The following ZSCAN30 variants were observed in gnomAD, a reference collection of about 807,000 sequenced individuals.
The protein encoded by ZSCAN30 is zinc finger and SCAN domain-containing protein 30.
Under a neutral mutation model 44.3 loss-of-function variants are expected in ZSCAN30, and 37 were observed. The observed-to-expected ratio is 0.84, with a 90% confidence interval of 0.64 to 1.10. The LOEUF (loss-of-function observed/expected upper bound fraction) is 1.10. Ranked by LOEUF, ZSCAN30 falls within the 50% of genes least tolerant of loss-of-function variation. ZSCAN30 has a pLI of 0.00. For missense variants in ZSCAN30, 549 were observed against 582.6 expected, an observed-to-expected ratio of 0.94 and a Z score of 0.59; for synonymous variants, 181 against 204.6, an observed-to-expected ratio of 0.88 and a Z score of 0.98.
intron 1 of ZSCAN30, among the ~76,000 whole-genome samples, chr18:35,280,347 C>CAG (rs2044435359): frequency 2.0e-5 from 3 of 148,282 alleles, no homozygotes; most frequent in East Asian, 2.0e-4. Context: ...GAGAGAGAGG[C>CAG]AGAGAGAGAG....
chr18:35,266,497 C>T (rs2044152714), intron 1 of ZSCAN30, among the ~76,000 whole-genome samples: 2 of 152,028 alleles, frequency 1.3e-5, no homozygotes, highest in Non-Finnish European at 2.9e-5. Flanking sequence ...GTGGTTGGCC[C>T]TTGTGACTAG....
chr18:35,271,187 T>TG (rs925635288), intron 1 of ZSCAN30, among the ~76,000 whole-genome samples: 1 of 152,202 alleles, frequency 6.6e-6, no homozygotes, highest in Admixed American at 6.5e-5. Context: ...TGCTGCTTGC[T>TG]GGGGCAGCCG....
chr18:35,270,261 T>TATCC (rs58226511), intron 1 of ZSCAN30: 1 of 151,644 alleles, frequency 6.6e-6, no homozygotes. Flanking sequence ...CTGTACTATC[T>TATCC]TTGCAATAAT....
chr18:35,279,835 T>C (rs1270883503), intron 1 of ZSCAN30, among the ~76,000 whole-genome samples: 3 of 152,164 alleles, frequency 2.0e-5, no homozygotes, highest in African/African-American at 4.8e-5. Flanking sequence ...TATATGAATT[T>C]TGGGGGGACA....
At chr18:35,287,512 CA>C (rs1205123535) in intron 1 of ZSCAN30, among the ~76,000 whole-genome samples, 16 of 112,096 alleles carry the variant, frequency 1.4e-4, no homozygotes, top group African/African-American at 5.5e-4. Flanking sequence ...ACTGATTTTA[CA>C]AAGCTTAAAG....
In ZSCAN30 at chr18:35,263,660, A is replaced by G. The variant is rs2044082733; in HGVS notation, c.409-3T>C. On this transcript the variant is annotated splice_region_variant and splice_polypyrimidine_tract_variant and intron_variant, in intron 2 of 3. Coordinates refer to ENST00000333206, the MANE Select transcript of ZSCAN30 (RefSeq NM_001112734.4). ...ATTTCTTGGCCATGAGTTGTGTCCT[A>G]GGAGTAATCAAGTACCAGCACTATC... is the stretch of plus-strand genomic sequence containing the variant. The G allele has an allele frequency of 6.2e-7, 1 of 1,614,132 alleles. No homozygotes were observed. The highest frequency in any genetic ancestry group is 8.5e-7 in the Non-Finnish European group (1 of 1,180,000).
At chr18:35,274,343 AC>A (rs1423389622) in intron 1 of ZSCAN30, among the ~76,000 whole-genome samples, 1 of 151,850 alleles carries the variant, frequency 6.6e-6, no homozygotes, top group Non-Finnish European at 1.5e-5. Flanking sequence ...GGCCGAAGGT[AC>A]TCCTCTTCTA....
intron 1 of ZSCAN30, among the ~76,000 whole-genome samples, chr18:35,265,061 G>T (rs2044118180): frequency 6.6e-6 from 1 of 151,946 alleles, no homozygotes; most frequent in Non-Finnish European, 1.5e-5. Flanking sequence ...CAGGAGAATG[G>T]CATGAACCCG....
chr18:35,279,542 G>GC (rs1193544723), intron 1 of ZSCAN30, among the ~76,000 whole-genome samples: 1 of 152,220 alleles, frequency 6.6e-6, no homozygotes, highest in African/African-American at 2.4e-5. Context: ...AAATAGCATA[G>GC]CCTGGGTAGC....
In ZSCAN30 at chr18:35,264,086, C is replaced by T. The variant is rs1387357108; in HGVS notation, c.267G>A (p.Glu89=). ...PEVHSKEQIL[E]LLMLEQFLAI... The stretch of plus-strand genomic sequence containing the variant: ...CCAGGAACTGCTCCAACATCAGCAG[C>T]TCCAGGATCTGCTCCTTGGAGTGCA... Residue 89 remains glutamate (E), a synonymous_variant, in exon 2 of 4, where the codon GAG becomes GAA. Coordinates refer to ENST00000333206, the MANE Select transcript of ZSCAN30 (RefSeq NM_001112734.4). 1 of 1,614,146 alleles carries T rather than the reference C, an allele frequency of 6.2e-7. No homozygotes were observed. The highest frequency in any genetic ancestry group is 8.5e-7 in the Non-Finnish European group (1 of 1,179,988).
At chr18:35,272,356 T>TG (rs1326434616) in intron 1 of ZSCAN30, among the ~76,000 whole-genome samples, 2 of 146,598 alleles carry the variant, frequency 1.4e-5, no homozygotes, top group Non-Finnish European at 3.0e-5. Context: ...GAAAGTTTTT[T>TG]TTTTTTTTTT....
chr18:35,284,339 A>T (rs541033000), intron 1 of ZSCAN30: 1 of 153,052 alleles, frequency 6.5e-6, no homozygotes, highest in African/African-American at 2.4e-5. Flanking sequence ...ATTAGGCTTC[A>T]GGCCTTCTGG....
At chr18:35,260,253 C>T (rs1034247797) in intron 3 of ZSCAN30, 9 of 152,178 alleles carry the variant, frequency 5.9e-5, no homozygotes, top group African/African-American at 1.9e-4. Context: ...TCTTTATCCA[C>T]TCTATCACTG....
At chr18:35,287,448 G>A (rs1222445836) in intron 1 of ZSCAN30, among the ~76,000 whole-genome samples, 1 of 151,630 alleles carries the variant, frequency 6.6e-6, no homozygotes, top group Non-Finnish European at 1.5e-5. Context: ...AAAGAGACAA[G>A]TAGATCAATG....
rs958956303 is a variant in ZSCAN30, at chr18:35,284,785, C to T, written c.-104+5299G>A. 18 of 155,110 alleles carry T rather than the reference C, an allele frequency of 1.2e-4. No homozygotes were observed. The East Asian group carries it at 3.5e-3, about 30-fold the overall frequency. The allele number at this position is 155,110 out of a possible 1,614,324, so 9.6% of individuals were successfully genotyped here. On this transcript the variant is annotated intron_variant, in intron 1 of 3. Transcript: ENST00000333206. ...AAGGAGGTGGGGGATGCAGGAAGGG[C>T]TCATGCCTGCTCCAGCACTCCTGCC...
intron 1 of ZSCAN30, chr18:35,267,250 C>A (rs2044173235): frequency 6.6e-6 from 1 of 150,886 alleles, no homozygotes; most frequent in Non-Finnish European, 1.5e-5. Flanking sequence ...ACAAGACACG[C>A]TGGGTAAGCG....
intron 3 of ZSCAN30, 125 bp downstream of exon 3, chr18:35,263,388 G>A: frequency 8.4e-7 from 1 of 1,192,384 alleles, no homozygotes. Flanking sequence ...AATATTTCTA[G>A]GCAAAGAAGC....
chr18:35,263,807 C>T, intron 2 of ZSCAN30, 138 bp downstream of exon 2: 11 of 1,388,578 alleles, frequency 7.9e-6, no homozygotes, highest in Non-Finnish European at 1.1e-5. Context: ...GTGACTTGAA[C>T]CCAATGAGTG....
chr18:35,269,837 G>A (rs2044234611), intron 1 of ZSCAN30: 2 of 144,512 alleles, frequency 1.4e-5, no homozygotes, highest in African/African-American at 5.0e-5. Context: ...AAAATAATGA[G>A]TGGCCAAAAA....
Sources: gnomAD v4.1 joint callset for allele counts (sites outside exome capture counted in the v4.1 genomes callset) on GRCh38, gnomAD v4.1.1 for gene constraint, MANE v1.5 for transcripts, NCBI Gene and HGNC (gene_info 2026-07-23, HGNC 2026-07-21) for gene names.